Variants in BCCIP observed in about 807,000 individuals in gnomAD.
The protein encoded by BCCIP is BRCA2 and CDKN1A interacting protein, also known as BRCA2 and CDKN1A-interacting protein.
In BCCIP, 23 loss-of-function variants were observed where a neutral mutation model predicts 32.8. The ratio of observed to expected loss-of-function variants is 0.70; its 90% CI spans 0.51 to 0.99. The LOEUF (loss-of-function observed/expected upper bound fraction) is 0.99. Ranked by LOEUF, BCCIP falls within the 50% of genes least tolerant of loss-of-function variation. BCCIP has a pLI of 0.00. For missense variants in BCCIP, 378 were observed against 379.8 expected, an observed-to-expected ratio of 1.00 and a Z score of 0.04; for synonymous variants, 144 against 137.6, an observed-to-expected ratio of 1.05 and a Z score of -0.33.
Position 125,827,643 on chromosome 10 carries a change from G to A in BCCIP, c.321+5G>A. 6.3e-7 allele frequency: 1 copy of A among 1,588,942 alleles called. No individual in the cohort carries two copies. Among genetic ancestry groups the A allele is most frequent in the South Asian group, 1.1e-5 (1 of 90,486 alleles). ...CATATTGGGAGTGTGATTAAGGTAA[G>A]TAGGATAATTGTGTTTATTCTGATT... On this transcript the variant is annotated splice_donor_5th_base_variant and intron_variant, in intron 3 of 6. Transcript: ENST00000278100.
At position 125,827,095 on chromosome 10, in the gene BCCIP, A is replaced by T. The variant is rs73381216; in HGVS notation, c.240+430A>T. On this transcript the variant is annotated intron_variant, in intron 2 of 6. Transcript: ENST00000278100. ...CTCTCCACCTTGCCTGGAAGGAAGA[A>T]TTATTTCCTTTCATCTGCTAATTAG... 4.7e-3 allele frequency among the ~76,000 whole-genome samples: 719 copies of T among 151,676 alleles called. 7 individuals are homozygous for T. The highest frequency in any genetic ancestry group is 0.016 in the African/African-American group (653 of 41,382).
At chr10:125,827,181 T>C (rs901935481) in intron 2 of BCCIP, among the ~76,000 whole-genome samples, 1 of 152,036 alleles carries the variant, frequency 6.6e-6, no homozygotes, top group African/African-American at 2.4e-5. Flanking sequence ...AACTGTGCTG[T>C]TTGGTGCTAT....
rs1554894004 is a variant in BCCIP at position 125,834,835 on chromosome 10, A to AAAAG, written c.774+889_774+890insAAAG. On this transcript the variant is annotated intron_variant, in intron 6 of 6. Coordinates refer to ENST00000278100, the MANE Select transcript of BCCIP (RefSeq NM_078468.3). ...TCAAAAACAAACAAACAAACAAAAA[A>AAAAG]CACAAAAACATCTTGAGCCAGGCAC... is the stretch of plus-strand genomic sequence containing the variant. 2.1e-5 allele frequency among the ~76,000 whole-genome samples: 3 copies of AAAAG among 142,522 alleles called. No individual in the cohort carries two copies. In the East Asian group the frequency reaches 6.1e-4, roughly 29 times the overall value. The allele number at this position is 142,522 out of a possible 152,430, so 93.5% of individuals were successfully genotyped here.
At chr10:125,827,168 T>C (rs940691576) in intron 2 of BCCIP, among the ~76,000 whole-genome samples, 1 of 152,002 alleles carries the variant, frequency 6.6e-6, no homozygotes, top group Non-Finnish European at 1.5e-5. Context: ...GTAACAGTCA[T>C]ATAACTGTGC....
chr10:125,832,185 T>A (rs1199780473), intron 5 of BCCIP, among the ~76,000 whole-genome samples: 3 of 152,112 alleles, frequency 2.0e-5, no homozygotes, highest in African/African-American at 7.2e-5. Context: ...ATTCTCTTAT[T>A]TATTTCTATC....
chr10:125,846,882 G>C (rs1007089783), downstream of BCCIP, among the ~76,000 whole-genome samples: 4 of 152,194 alleles, frequency 2.6e-5, no homozygotes, highest in Non-Finnish European at 4.4e-5. Flanking sequence ...GCAGAGAGCA[G>C]CTAAGACTCT....
downstream of BCCIP, chr10:125,841,419 CATT>C: frequency 1.3e-6 from 2 of 1,589,896 alleles, no homozygotes; most frequent in South Asian, 1.1e-5. Flanking sequence ...AGGCACACAA[CATT>C]ATTTGGGGAA....
downstream of BCCIP, chr10:125,841,324 C>T (rs759780415): frequency 3.7e-6 from 6 of 1,614,068 alleles, no homozygotes; most frequent in Middle Eastern, 3.3e-4. Flanking sequence ...TCCGATACAG[C>T]ACAATGGTTG....
At chr10:125,838,555 T>A (rs1383963481), downstream of BCCIP, among the ~76,000 whole-genome samples, 1 of 152,210 alleles carries the variant, frequency 6.6e-6, no homozygotes, top group Non-Finnish European at 1.5e-5. Context: ...CATAAGCATG[T>A]TTTGCCTAAA....
downstream of BCCIP, among the ~76,000 whole-genome samples, chr10:125,840,509 G>A (rs1180426595): frequency 6.6e-6 from 1 of 152,262 alleles, no homozygotes; most frequent in Non-Finnish European, 1.5e-5. Context: ...GCACGTAGAG[G>A]TGGCTGTTCT....
At chr10:125,844,283 C>T (rs1020041741), downstream of BCCIP, among the ~76,000 whole-genome samples, 1 of 152,346 alleles carries the variant, frequency 6.6e-6, no homozygotes, top group Admixed American at 6.5e-5. Context: ...CTACTGAAAG[C>T]TTTTCAGAAA....
rs1589699621 is a variant in BCCIP at position 125,836,446 on chromosome 10, G to T, written c.*172G>T. ...AAAATACCAGTTTTTTAAAATTTTG[G>T]TCAAATTATGAGTGGTTGATTTAAA... On this transcript the variant is annotated 3_prime_UTR_variant, in exon 7 of 7. Coordinates refer to ENST00000278100, the MANE Select transcript of BCCIP (RefSeq NM_078468.3). 22 of 1,425,304 alleles carry T rather than the reference G, an allele frequency of 1.5e-5. No individual in the cohort carries two copies. The East Asian group carries it at 5.3e-4, about 35-fold the overall frequency. 88.3% of individuals were successfully genotyped at this position (1,425,304 alleles called of 1,614,324 possible).
At chr10:125,827,993 G>C (rs887528626) in intron 3 of BCCIP, among the ~76,000 whole-genome samples, 1 of 121,980 alleles carries the variant, frequency 8.2e-6, no homozygotes, top group Non-Finnish European at 1.7e-5. Flanking sequence ...AAAAAAAAAA[G>C]TTCTTTATTC....
rs759691622 is a variant in BCCIP, at chr10:125,841,707, T to C, written c.*348T>C. 6.9e-6 allele frequency: 11 copies of C among 1,592,812 alleles called. No homozygotes were observed. The South Asian group carries it at 7.0e-5, about 10-fold the overall frequency. ...ATCTAAATCTATACCTAGTGCAGAT[T>C]TGCAAAAAAAGAAAAGGAATAGTCA... On this transcript the variant is annotated 3_prime_UTR_variant, in exon 7 of 7. Transcript: ENST00000299130.
chr10:125,853,014 C>T lies in BCCIP; in HGVS notation c.851-111C>T, dbSNP rs942252346. 3.3e-5 allele frequency: 26 copies of T among 788,302 alleles called. No individual in the cohort carries two copies. In the African/African-American group the frequency reaches 3.7e-4, roughly 11 times the overall value. The allele number at this position is 788,302 out of a possible 1,614,324, so 48.8% of individuals were successfully genotyped here. ...TGCCATGTTTCTTTATAGTTTTGTT[C>T]AAATCAACCAGGATCTTGGTGGTCT... is the stretch of plus-strand genomic sequence containing the variant. On this transcript the variant is annotated intron_variant, in intron 7 of 7. Coordinates refer to the BCCIP transcript ENST00000368759.
chr10:125,852,525 T>C lies in BCCIP; in HGVS notation c.851-600T>C, dbSNP rs1210081529. On this transcript the variant is annotated intron_variant, in intron 7 of 7. Transcript: ENST00000368759. Reference sequence around the variant, plus strand: ...TACAAGAATTGACAACATTTAGTATTTGTGTCCACAGCACTACCTGAAGAA... The same window carrying C: ...TACAAGAATTGACAACATTTAGTATCTGTGTCCACAGCACTACCTGAAGAA... The C allele has an allele frequency of 2.5e-6, 4 of 1,613,224 alleles. No homozygotes were observed. The African/African-American group carries it at 4.0e-5, about 16-fold the overall frequency.
At chr10:125,851,707 C>G (rs1944091291) in intron 7 of BCCIP, among the ~76,000 whole-genome samples, 1 of 152,060 alleles carries the variant, frequency 6.6e-6, no homozygotes, top group African/African-American at 2.4e-5. Flanking sequence ...AAACTGCAGA[C>G]ATAGGACTAG....
chr10:125,833,694 G>A (rs911123729), intron 5 of BCCIP, 78 bp from the exon 6 acceptor site: 6 of 1,507,422 alleles, frequency 4.0e-6, no homozygotes, highest in East Asian at 4.5e-5. Flanking sequence ...ATGCCTCACC[G>A]GGTTTTCTGT....
At chr10:125,827,480 T>A in intron 2 of BCCIP, 78 bp from the exon 3 acceptor site, 9 of 989,102 alleles carry the variant, frequency 9.1e-6, no homozygotes, top group Non-Finnish European at 1.4e-5. Context: ...TTTCATTGTT[T>A]GTATTTGAAT....
Sources: allele counts gnomAD v4.1 joint callset (sites outside exome capture counted in the v4.1 genomes callset), GRCh38; gene constraint gnomAD v4.1.1; transcripts MANE v1.5; gene names NCBI Gene and HGNC (gene_info 2026-07-23, HGNC 2026-07-21).